THSD7B: variants seen among roughly 807,000 people sequenced by gnomAD.
The protein encoded by THSD7B is thrombospondin type 1 domain containing 7B.
A neutral mutation model predicts 213.6 loss-of-function variants in THSD7B; 138 were observed. The observed-to-expected ratio is 0.65, with a 90% CI of 0.56 to 0.74. The LOEUF (loss-of-function observed/expected upper bound fraction) is 0.74, where lower values mean the gene tolerates loss of function less well. Among genes scored for constraint, THSD7B ranks in the 30% least tolerant of loss-of-function variants. The pLI, the probability that THSD7B is intolerant of heterozygous loss-of-function variation, is 0.00. For synonymous variants in THSD7B, 742 were observed against 687.0 expected (o/e 1.08, Z -1.25); for missense variants, 1,931 against 1,991.5 (o/e 0.97, Z 0.58).
intron 5 of THSD7B, among the ~76,000 whole-genome samples, chr2:137,134,931 C>T (rs1679406251): frequency 6.6e-6 from 1 of 152,104 alleles, no homozygotes; most frequent in Non-Finnish European, 1.5e-5. Context: ...CAGATTGCTG[C>T]CCTCAGAGTC....
chr2:136,948,297 C>T (rs1460482568), intron 2 of THSD7B, among the ~76,000 whole-genome samples: 1 of 152,090 alleles, frequency 6.6e-6, no homozygotes, highest in Non-Finnish European at 1.5e-5. Context: ...AATTGAGATT[C>T]CTTGACCTGT....
At chr2:137,332,643 T>C (rs1275868324) in intron 12 of THSD7B, among the ~76,000 whole-genome samples, 1 of 152,174 alleles carries the variant, frequency 6.6e-6, no homozygotes, top group African/African-American at 2.4e-5. Flanking sequence ...GTGTTTCCAC[T>C]CAAATCTCAT....
chr2:137,133,002 A>G (rs13005757), intron 5 of THSD7B, among the ~76,000 whole-genome samples: 5,610 of 152,286 alleles, frequency 0.037, 148 homozygotes, highest in Admixed American at 0.066. Context: ...CATGGGTCAT[A>G]TATTCAAACT....
intron 10 of THSD7B, among the ~76,000 whole-genome samples, chr2:137,261,323 G>A (rs16838484): frequency 0.1 from 15,515 of 152,116 alleles, 1,300 homozygotes; most frequent in East Asian, 0.43. Flanking sequence ...TCATCTAGAC[G>A]AAGAAAGAAG....
At chr2:137,180,202 G>A (rs138281669) in intron 7 of THSD7B, among the ~76,000 whole-genome samples, 5 of 152,230 alleles carry the variant, frequency 3.3e-5, no homozygotes, top group Non-Finnish European at 7.4e-5. Context: ...GGTCAGAGAT[G>A]GAAAGATACT....
At chr2:137,588,795 TATTTTTC>T (rs1681800980) in intron 17 of THSD7B, among the ~76,000 whole-genome samples, 1 of 151,438 alleles carries the variant, frequency 6.6e-6, no homozygotes, top group African/African-American at 2.4e-5. Flanking sequence ...TTTATTTATT[TATTTTTC>T]GAGATGGAGT....
chr2:137,427,555 C>G (rs1360537296), intron 14 of THSD7B, among the ~76,000 whole-genome samples: 8 of 151,788 alleles, frequency 5.3e-5, no homozygotes, highest in African/African-American at 1.9e-4. Context: ...ATAGATGAAC[C>G]TTGACGTTAG....
intron 27 of THSD7B, among the ~76,000 whole-genome samples, chr2:137,675,863 C>T (rs1038194607): frequency 4.6e-5 from 7 of 152,058 alleles, no homozygotes; most frequent in African/African-American, 1.7e-4. Flanking sequence ...AAGATTTCCC[C>T]ATACTAAGAA....
intron 16 of THSD7B, among the ~76,000 whole-genome samples, chr2:137,570,453 C>T (rs112007607): frequency 0.032 from 4,823 of 152,002 alleles, 133 homozygotes; most frequent in East Asian, 0.077. Flanking sequence ...GGACTACAGG[C>T]GCCTGCCACC....
chr2:136,832,107 A>G (rs371488233), intron 1 of THSD7B, among the ~76,000 whole-genome samples: 23 of 152,210 alleles, frequency 1.5e-4, no homozygotes, highest in East Asian at 1.3e-3. Context: ...GTAGGCTATA[A>G]TAAGTACTGG....
chr2:137,031,136 G>T (rs1351930612), intron 2 of THSD7B, among the ~76,000 whole-genome samples: 1 of 152,104 alleles, frequency 6.6e-6, no homozygotes, highest in African/African-American at 2.4e-5. Flanking sequence ...TTAAGATCAG[G>T]AGTTCGAGAC....
rs80096768 is a variant in THSD7B at position 137,211,606 on chromosome 2, G to T, written c.1724-19438G>T. On this transcript the variant is annotated intron_variant, in intron 7 of 27. Transcript: ENST00000409968. ...TTAGTTAGGATGACATGTGGTTAATGGCTTGCTGACTTGGAACAACCCATT... is the reference window on the plus strand; with the variant it reads ...TTAGTTAGGATGACATGTGGTTAATTGCTTGCTGACTTGGAACAACCCATT... Among the ~76,000 whole-genome samples, 262 of 152,044 alleles carry T rather than the reference G, an allele frequency of 1.7e-3. 2 individuals carry two copies. The East Asian group carries it at 0.021, about 12-fold the overall frequency.
chr2:136,994,036 T>C (rs1287773793), intron 2 of THSD7B, among the ~76,000 whole-genome samples: 1 of 152,256 alleles, frequency 6.6e-6, no homozygotes, highest in Non-Finnish European at 1.5e-5. Flanking sequence ...GATATACTTT[T>C]GCTATTTTAA....
At chr2:136,765,915 G>A (rs1044242390) in intron 1 of THSD7B, among the ~76,000 whole-genome samples, 15 of 152,354 alleles carry the variant, frequency 9.8e-5, no homozygotes, top group Middle Eastern at 3.4e-3. Context: ...TGGGCTGCCC[G>A]GGGCGCAGTG....
intron 15 of THSD7B, among the ~76,000 whole-genome samples, chr2:137,510,498 GAAA>G (rs1184927087): frequency 5.3e-5 from 8 of 152,192 alleles, no homozygotes; most frequent in Non-Finnish European, 7.4e-5. Flanking sequence ...TCTTAAAGAA[GAAA>G]GGAAATACAT....
At chr2:137,036,170 A>G (rs921526660) in intron 2 of THSD7B, among the ~76,000 whole-genome samples, 1 of 152,198 alleles carries the variant, frequency 6.6e-6, no homozygotes, top group African/African-American at 2.4e-5. Flanking sequence ...ACTAATGCAC[A>G]TGAAATACTC....
chr2:137,473,451 G>A (rs566965541), intron 15 of THSD7B, among the ~76,000 whole-genome samples: 4 of 152,010 alleles, frequency 2.6e-5, no homozygotes, highest in Non-Finnish European at 4.4e-5. Context: ...CTCATGATCC[G>A]CCCGCCTCGG....
At chr2:137,047,914 G>GT (rs927346311) in intron 2 of THSD7B, among the ~76,000 whole-genome samples, 4 of 152,048 alleles carry the variant, frequency 2.6e-5, no homozygotes, top group South Asian at 2.1e-4. Context: ...TTTTTTATTT[G>GT]TTTTTTTATT....
intron 17 of THSD7B, among the ~76,000 whole-genome samples, chr2:137,585,491 C>T (rs926020261): frequency 1.1e-4 from 16 of 152,024 alleles, no homozygotes; most frequent in South Asian, 2.1e-4. Flanking sequence ...TATATATTTC[C>T]CTCTACACAC....
Sources: allele counts gnomAD v4.1 joint callset (sites outside exome capture counted in the v4.1 genomes callset), GRCh38; gene constraint gnomAD v4.1.1; transcripts MANE v1.5; gene names NCBI Gene and HGNC (gene_info 2026-07-23, HGNC 2026-07-21).